The following INPP4B variants were observed in gnomAD, a reference collection of about 807,000 sequenced individuals.
INPP4B encodes the protein inositol polyphosphate-4-phosphatase type II B, also known as inositol polyphosphate 4-phosphatase type II.
INPP4B carries 55 observed loss-of-function variants against 122.5 expected under a neutral mutation model. That is an observed-to-expected ratio of 0.45 (90% CI 0.36 to 0.56). The LOEUF (loss-of-function observed/expected upper bound fraction) is 0.56, where lower values mean the gene tolerates loss of function less well. Among genes scored for constraint, INPP4B ranks in the 20% least tolerant of loss-of-function variants. The pLI is 0.00. For missense variants in INPP4B, 1,000 were observed against 1,097.7 expected, an observed-to-expected ratio of 0.91 and a Z score of 1.26; for synonymous variants, 403 against 388.7, an observed-to-expected ratio of 1.04 and a Z score of -0.43.
intron 2 of INPP4B, among the ~76,000 whole-genome samples, chr4:142,653,839 A>G (rs986174023): frequency 6.6e-6 from 1 of 152,202 alleles, no homozygotes; most frequent in Non-Finnish European, 1.5e-5. Flanking sequence ...AGAACTAGAA[A>G]TACCATTTGA....
intron 1 of INPP4B, among the ~76,000 whole-genome samples, chr4:142,805,874 G>T (rs1778612509): frequency 6.6e-6 from 1 of 152,084 alleles, no homozygotes; most frequent in African/African-American, 2.4e-5. Context: ...AACTGCACGG[G>T]TGTTGGCACC....
At chr4:142,430,997 A>C (rs1809179356) in intron 4 of INPP4B, among the ~76,000 whole-genome samples, 172 bp downstream of exon 4, 1 of 152,112 alleles carries the variant, frequency 6.6e-6, no homozygotes, top group Non-Finnish European at 1.5e-5. Context: ...CATATCATAC[A>C]CTCATGCCAC....
At chr4:142,149,040 G>A (rs537929551) in intron 17 of INPP4B, among the ~76,000 whole-genome samples, 1 of 152,212 alleles carries the variant, frequency 6.6e-6, no homozygotes, top group Non-Finnish European at 1.5e-5. Flanking sequence ...CTATCTGGTG[G>A]TGAGAGAATT....
At chr4:142,116,119 A>G (rs1793205518) in intron 21 of INPP4B, among the ~76,000 whole-genome samples, 1 of 152,206 alleles carries the variant, frequency 6.6e-6, no homozygotes, top group South Asian at 2.1e-4. Flanking sequence ...TAAGTATCCT[A>G]AATATATATG....
intron 1 of INPP4B, among the ~76,000 whole-genome samples, chr4:142,845,461 C>T (rs1784067745): frequency 6.6e-6 from 1 of 152,142 alleles, no homozygotes; most frequent in African/African-American, 2.4e-5. Context: ...AAACAATGAC[C>T]TCCCCCGTCC....
At chr4:142,657,729 A>T (rs1754418116) in intron 2 of INPP4B, among the ~76,000 whole-genome samples, 1 of 152,218 alleles carries the variant, frequency 6.6e-6, no homozygotes, top group South Asian at 2.1e-4. Context: ...TATTGACTAA[A>T]TAGGTTATAA....
At chr4:142,240,473 T>A (rs1263251076) in intron 11 of INPP4B, among the ~76,000 whole-genome samples, 1 of 152,118 alleles carries the variant, frequency 6.6e-6, no homozygotes, top group African/African-American at 2.4e-5. Flanking sequence ...GTACACATCA[T>A]CCAAGGACTC....
chr4:142,420,666 T>C (rs550085871), intron 5 of INPP4B, among the ~76,000 whole-genome samples: 61 of 152,220 alleles, frequency 4.0e-4, no homozygotes, highest in Non-Finnish European at 7.6e-4. Flanking sequence ...ACATGGCCTT[T>C]GGAATTAAAA....
Position 142,034,129 on chromosome 4 carries a change from C to A in INPP4B, c.2643-5215G>T, listed in dbSNP as rs144342501. Among the ~76,000 whole-genome samples, 28 of 152,296 alleles carry A rather than the reference C, an allele frequency of 1.8e-4. No individual in the cohort carries two copies. In the East Asian group the frequency reaches 5.0e-3, roughly 27 times the overall value. On this transcript the variant is annotated intron_variant, in intron 25 of 25. Transcript: ENST00000262992. ...TGAGAGACCCTGCTTTAGCATGAGA[C>A]TCTCTCTATATGTACATATAAATAT...
At chr4:142,702,812 T>C (rs561841831) in intron 2 of INPP4B, among the ~76,000 whole-genome samples, 1 of 152,164 alleles carries the variant, frequency 6.6e-6, no homozygotes, top group South Asian at 2.1e-4. Flanking sequence ...AAGATTGATT[T>C]CTGCAAAAAA....
At chr4:142,539,631 G>A (rs1011316373) in intron 2 of INPP4B, among the ~76,000 whole-genome samples, 2 of 151,978 alleles carry the variant, frequency 1.3e-5, no homozygotes, top group South Asian at 2.1e-4. Context: ...GGTTCTCCAC[G>A]GAAGCCTGTG....
rs567122644 is a variant in INPP4B, at chr4:142,300,708, G to T, written c.503+4750C>A. ...AGGAGAAATTTAAAAAACAGTATAA[G>T]TTAAATGTTTTTCTTTCATAGCATC... On this transcript the variant is annotated intron_variant, in intron 9 of 25. Transcript: ENST00000262992. Among the ~76,000 whole-genome samples, 16 of 152,118 alleles carry T rather than the reference G, an allele frequency of 1.1e-4. No homozygotes were observed. In the South Asian group the frequency reaches 3.3e-3, roughly 32 times the overall value.
At chr4:142,646,744 A>C (rs895537262) in intron 2 of INPP4B, among the ~76,000 whole-genome samples, 3 of 152,250 alleles carry the variant, frequency 2.0e-5, no homozygotes, top group Non-Finnish European at 2.9e-5. Flanking sequence ...AAATTGCAGG[A>C]CCACTGGACT....
chr4:142,129,665 T>C (rs1247837653), intron 18 of INPP4B, among the ~76,000 whole-genome samples: 1 of 152,192 alleles, frequency 6.6e-6, no homozygotes, highest in East Asian at 1.9e-4. Flanking sequence ...TGTGGAAACT[T>C]GGCTGCTTCG....
intron 11 of INPP4B, among the ~76,000 whole-genome samples, chr4:142,251,318 T>C (rs990840019): frequency 6.6e-5 from 10 of 152,206 alleles, no homozygotes; most frequent in Non-Finnish European, 1.5e-5. Flanking sequence ...GTATTTAACA[T>C]GAACTTAATA....
At chr4:142,246,054 T>C (rs1320826307) in intron 11 of INPP4B, among the ~76,000 whole-genome samples, 2 of 50,264 alleles carry the variant, frequency 4.0e-5, no homozygotes, top group Non-Finnish European at 5.7e-5. Context: ...ACACACATTA[T>C]ATATATGTGT....
At chr4:142,086,000 A>C in intron 24 of INPP4B, 144 bp downstream of exon 24, 1 of 652,264 alleles carries the variant, frequency 1.5e-6, no homozygotes, top group East Asian at 2.8e-5. Flanking sequence ...TACCAACAAG[A>C]GTAAAAATGC....
At chr4:142,784,756 A>C (rs912220679) in intron 1 of INPP4B, among the ~76,000 whole-genome samples, 1 of 152,040 alleles carries the variant, frequency 6.6e-6, no homozygotes, top group African/African-American at 2.4e-5. Flanking sequence ...TTTGTTTCAG[A>C]GAAAAGAGAA....
intron 18 of INPP4B, among the ~76,000 whole-genome samples, chr4:142,134,612 A>G (rs1353364264): frequency 6.6e-6 from 1 of 152,014 alleles, no homozygotes; most frequent in Non-Finnish European, 1.5e-5. Context: ...CCTGAACAAC[A>G]TGGAGAAACC....
Sources: allele counts gnomAD v4.1 joint callset (sites outside exome capture counted in the v4.1 genomes callset), GRCh38; gene constraint gnomAD v4.1.1; transcripts MANE v1.5; gene names NCBI Gene and HGNC (gene_info 2026-07-23, HGNC 2026-07-21).